The following LIPE variants were observed in gnomAD, a reference collection of about 807,000 sequenced individuals.
The protein encoded by LIPE is lipase E, hormone sensitive type.
In LIPE, 66 loss-of-function variants were observed where a neutral mutation model predicts 88.5. The observed-to-expected ratio is 0.75, with a 90% CI of 0.61 to 0.91. The LOEUF (loss-of-function observed/expected upper bound fraction) is 0.91, where lower values mean the gene tolerates loss of function less well. LIPE is among the 40% of genes least tolerant of loss of function. LIPE has a pLI of 0.00. For missense variants in LIPE, 1,346 were observed against 1,434.7 expected, an observed-to-expected ratio of 0.94 and a Z score of 1.00; for synonymous variants, 570 against 617.5, an observed-to-expected ratio of 0.92 and a Z score of 1.14.
At position 42,426,279 on chromosome 19, in the gene LIPE, A is replaced by G; in HGVS notation, c.871T>C (p.Tyr291His). Residue 291 changes from tyrosine to histidine, a missense_variant, in exon 1 of 10, where the codon TAC (tyrosine) becomes CAC (histidine). Physicochemically the swap from Tyr to His is moderately conservative, Grantham distance 83 (BLOSUM62 2). Coordinates refer to ENST00000244289, the MANE Select transcript of LIPE (RefSeq NM_005357.4). ...EKTSARNHRH[Y>H]QDTASRLIHN... ...GATTCACACTCACCTGTATCCTGGT[A>G]GTGTCTGTGATTCCGAGCACTGGTT... 6.2e-7 allele frequency: 1 copy of G among 1,600,930 alleles called. No homozygotes were observed. Among genetic ancestry groups the G allele is most frequent in the Non-Finnish European group, 8.6e-7 (1 of 1,168,946 alleles).
Position 42,406,010 on chromosome 19 carries a change from ACACACACACG to A in LIPE, c.2365+141_2365+150del, listed in dbSNP as rs1490366579. 3 of 624,326 alleles carry A rather than the reference ACACACACACG, an allele frequency of 4.8e-6. No homozygotes were observed. In the African/African-American group the frequency reaches 6.4e-5, roughly 13 times the overall value. 38.7% of individuals were successfully genotyped at this position (624,326 alleles called of 1,614,324 possible). On this transcript the variant is annotated intron_variant, in intron 7 of 9. Coordinates refer to ENST00000244289, the MANE Select transcript of LIPE (RefSeq NM_005357.4). The surrounding 1 kb of genome is among the most constrained non-coding windows in gnomAD (Gnocchi z 5.7). Reference sequence around the variant, plus strand: ...CACACACACACACACACACACACACACACACACACGAAAAAAAAGGGACAAGGAGTCTTAG... The same window carrying A: ...CACACACACACACACACACACACACAAAAAAAAAGGGACAAGGAGTCTTAG...
At chr19:42,421,352 G>A (rs2040594714) in intron 1 of LIPE, among the ~76,000 whole-genome samples, 1 of 152,140 alleles carries the variant, frequency 6.6e-6, no homozygotes, top group Admixed American at 6.6e-5. Flanking sequence ...CCCCTGCACA[G>A]CACTTAACGC....
rs1008718705 is a variant in LIPE, at chr19:42,407,971, C to G, written c.1656+5G>C. On this transcript the variant is annotated splice_donor_5th_base_variant and intron_variant, in intron 4 of 9. Coordinates refer to ENST00000244289, the MANE Select transcript of LIPE (RefSeq NM_005357.4). This position sits in a 1 kb window ranked among gnomAD's most constrained non-coding sequence, Gnocchi z 5.8. ...TCAGTGTCCCCATCTGCAACAGGCCCTCACCGATAGCACTTCCATCTCGGT... is the reference window on the plus strand; with the variant it reads ...TCAGTGTCCCCATCTGCAACAGGCCGTCACCGATAGCACTTCCATCTCGGT... The G allele has an allele frequency of 1.2e-6, 2 of 1,611,776 alleles. No individual in the cohort carries two copies. Among genetic ancestry groups the G allele is most frequent in the Admixed American group, 1.7e-5 (1 of 59,812 alleles).
rs775130599 is a variant in LIPE, at chr19:42,401,763, C to G, written c.*49G>C. 5.5e-5 allele frequency: 75 copies of G among 1,368,384 alleles called. No individual in the cohort carries two copies. Among genetic ancestry groups the G allele is most frequent in the Non-Finnish European group, 6.8e-5 (72 of 1,051,798 alleles). The allele number at this position is 1,368,384 out of a possible 1,614,324, so 84.8% of individuals were successfully genotyped here. On this transcript the variant is annotated 3_prime_UTR_variant, in exon 10 of 10. Transcript: ENST00000244289. ...CAGCCCGCGTCCCCTTCCGCCCGGCCCGGAAGGCATTCATGACGGAGGCCG... is the reference window on the plus strand; with the variant it reads ...CAGCCCGCGTCCCCTTCCGCCCGGCGCGGAAGGCATTCATGACGGAGGCCG...
At chr19:42,411,399 C>T (rs1052445761) in intron 1 of LIPE, 39 of 917,402 alleles carry the variant, frequency 4.3e-5, no homozygotes, top group South Asian at 5.0e-5. Flanking sequence ...TCTAAACCTC[C>T]AGTTGGTCCC....
chr19:42,405,949 TTG>T, intron 7 of LIPE: 1 of 579,358 alleles, frequency 1.7e-6, no homozygotes, highest in Non-Finnish European at 3.0e-6. Flanking sequence ...ACATGACACC[TTG>T]TGTCTGTCTG....
Position 42,406,485 on chromosome 19 carries a change from C to A in LIPE, c.2138-97G>T. Reference sequence around the variant, plus strand: ...CTCAAGCTGGGAGAACTGGGCTCTCCAAGGTGGGGTGTGGGGCACTCCAAG... The same window carrying A: ...CTCAAGCTGGGAGAACTGGGCTCTCAAAGGTGGGGTGTGGGGCACTCCAAG... On this transcript the variant is annotated intron_variant, in intron 6 of 9. Transcript: ENST00000244289. The surrounding 1 kb of genome is among the most constrained non-coding windows in gnomAD (Gnocchi z 5.7). 9.5e-7 allele frequency: 1 copy of A among 1,049,692 alleles called. No homozygotes were observed. Among genetic ancestry groups the A allele is most frequent in the South Asian group, 1.4e-5 (1 of 69,962 alleles). 65.0% of individuals were successfully genotyped at this position (1,049,692 alleles called of 1,614,324 possible).
chr19:42,423,381 G>A (rs905155259), intron 1 of LIPE: 19 of 1,278,578 alleles, frequency 1.5e-5, no homozygotes, highest in Non-Finnish European at 1.9e-5. Context: ...GGATGTACGA[G>A]GTTCCTTCCG....
chr19:42,412,736 C>G (rs1314476471), intron 1 of LIPE, among the ~76,000 whole-genome samples: 1 of 152,294 alleles, frequency 6.6e-6, no homozygotes, highest in South Asian at 2.1e-4. Flanking sequence ...AACAAACCGT[C>G]CCCTCTCACC....
intron 9 of LIPE, 113 bp from the exon 10 acceptor site, chr19:42,402,188 C>T (rs1254341220): frequency 3.9e-6 from 4 of 1,025,568 alleles, no homozygotes; most frequent in Non-Finnish European, 5.3e-6. Context: ...CGGATACAGA[C>T]GGAGTGGACG....
intron 8 of LIPE, among the ~76,000 whole-genome samples, chr19:42,403,440 A>G (rs541208584): frequency 6.6e-6 from 1 of 150,720 alleles, no homozygotes; most frequent in South Asian, 2.1e-4. Flanking sequence ...GGATCATAAT[A>G]TATCGTTTTT....
At chr19:42,409,415 A>T (rs915925142) in intron 2 of LIPE, among the ~76,000 whole-genome samples, 1 of 151,862 alleles carries the variant, frequency 6.6e-6, no homozygotes, top group Non-Finnish European at 1.5e-5. Flanking sequence ...AAAAAAAAAA[A>T]AAAAAATACA....
Position 42,404,177 on chromosome 19 carries a change from G to A in LIPE, c.2543-1146C>T, listed in dbSNP as rs182040309. 7.9e-3 allele frequency among the ~76,000 whole-genome samples: 1,174 copies of A among 149,064 alleles called. 16 individuals are homozygous for A. The highest frequency in any genetic ancestry group is 0.027 in the African/African-American group (1,102 of 40,416). ...CCTCCCGGGTTCAAGCAATTCTCCC[G>A]CCACAGCCTCCTGAGTAGCTGGGAT... is the stretch of plus-strand genomic sequence containing the variant. On this transcript the variant is annotated intron_variant, in intron 8 of 9. Transcript: ENST00000244289.
chr19:42,415,956 G>A (rs1035577141), intron 1 of LIPE, among the ~76,000 whole-genome samples: 2 of 152,206 alleles, frequency 1.3e-5, no homozygotes, highest in Non-Finnish European at 2.9e-5. Flanking sequence ...TTTGAAGGGT[G>A]AGAGAGGTGA....
At chr19:42,411,078 G>A (rs1051873340) in intron 1 of LIPE, among the ~76,000 whole-genome samples, 3 of 152,096 alleles carry the variant, frequency 2.0e-5, no homozygotes, top group South Asian at 2.1e-4. Context: ...GTCCCTCCTC[G>A]GGAGCCAGGA....
rs552631001 is a variant in LIPE at position 42,425,520 on chromosome 19, A to C, written c.883+747T>G. ...ACCTGATGTCCTCATTTCTAAAATGAGGATGTTGGCCAGGTGCTCGGTGGC... is the reference window on the plus strand; with the variant it reads ...ACCTGATGTCCTCATTTCTAAAATGCGGATGTTGGCCAGGTGCTCGGTGGC... On this transcript the variant is annotated intron_variant, in intron 1 of 9. Coordinates refer to ENST00000244289, the MANE Select transcript of LIPE (RefSeq NM_005357.4). Among the ~76,000 whole-genome samples the C allele has an allele frequency of 4.6e-5, 7 of 152,208 alleles. No individual in the cohort carries two copies. In the East Asian group the frequency reaches 1.4e-3, roughly 30 times the overall value.
rs1160653942 is a variant in LIPE, at chr19:42,426,641, G to C, written c.509C>G (p.Ser170Cys). 1 of 1,614,242 alleles carries C rather than the reference G, an allele frequency of 6.2e-7. No homozygotes were observed. The highest frequency in any genetic ancestry group is 1.1e-5 in the South Asian group (1 of 91,082). The change falls in exon 1 of 10, where the codon TCT (serine) becomes TGT (cysteine). Residue 170 changes from serine (S) to cysteine (C), a missense_variant. By Grantham distance (112) the Ser-to-Cys change is moderately radical. Transcript: ENST00000244289. ...QAKPGAKREP[S>C]APTESTSQET... ...TTGGGACGTAGATTCAGTCGGGGCA[G>C]ATGGCTCCCTTTTGGCTCCAGGTTT...
At chr19:42,423,339 G>A in intron 1 of LIPE, 1 of 1,101,642 alleles carries the variant, frequency 9.1e-7, no homozygotes. Context: ...CTGTGGCAGT[G>A]GGCCAGTCCA....
intron 8 of LIPE, among the ~76,000 whole-genome samples, chr19:42,404,211 T>G (rs574530607): frequency 3.3e-5 from 5 of 151,336 alleles, no homozygotes; most frequent in African/African-American, 1.2e-4. Flanking sequence ...ATTACAGGCA[T>G]GCCACCATGT....
Sources: gnomAD v4.1 joint callset for allele counts (sites outside exome capture counted in the v4.1 genomes callset) on GRCh38, gnomAD v4.1.1 for gene constraint, Gnocchi (gnomAD v3.1) non-coding constraint, MANE v1.5 for transcripts, NCBI Gene and HGNC (gene_info 2026-07-23, HGNC 2026-07-21) for gene names.